VPS13C: variants seen among roughly 807,000 people sequenced by gnomAD.
VPS13C encodes the protein vacuolar protein sorting 13 homolog C.
VPS13C carries 358 observed loss-of-function variants against 456.8 expected under a neutral mutation model. The observed-to-expected ratio is 0.78, with a 90% CI of 0.72 to 0.86. The LOEUF (loss-of-function observed/expected upper bound fraction) is 0.86, where lower values mean the gene tolerates loss of function less well. VPS13C is among the 40% of genes least tolerant of loss of function. The probability of loss-of-function intolerance (pLI) is 0.00; values close to 1 mark genes in which losing one functional copy is unlikely to be tolerated. For missense variants in VPS13C, 4,818 were observed against 4,385.4 expected, an observed-to-expected ratio of 1.10 and a Z score of -2.79; for synonymous variants, 1,578 against 1,486.7, an observed-to-expected ratio of 1.06 and a Z score of -1.41.
At chr15:61,917,994 T>C in intron 59 of VPS13C, 142 bp downstream of exon 59, 1 of 783,068 alleles carries the variant, frequency 1.3e-6, no homozygotes, top group Non-Finnish European at 1.9e-6. Context: ...ATAATATAAA[T>C]GTATTTCTCA....
chr15:61,993,213 G>C lies in VPS13C; in HGVS notation c.1354-1411C>G, dbSNP rs560307703. 3.9e-5 allele frequency among the ~76,000 whole-genome samples: 6 copies of C among 152,172 alleles called. No homozygotes were observed. The South Asian group carries it at 1.2e-3, about 32-fold the overall frequency. ...ATCTAAAAGCAGAAAAAGCTAAAAA[G>C]CATTTGGATATTTTATTAACATCTC... On this transcript the variant is annotated intron_variant, in intron 16 of 84. Transcript: ENST00000644861.
Position 62,041,306 on chromosome 15 carries a change from G to T in VPS13C, c.187+18C>A. Reference sequence around the variant, plus strand: ...CAATAGGACCAAGAATAATTCAAATGAAGACTAAAGTACTTACCAATTTGG... The same window carrying T: ...CAATAGGACCAAGAATAATTCAAATTAAGACTAAAGTACTTACCAATTTGG... On this transcript the variant is annotated intron_variant, in intron 3 of 84. Transcript: ENST00000644861. The T allele has an allele frequency of 6.3e-7, 1 of 1,592,786 alleles. No individual in the cohort carries two copies. The highest frequency in any genetic ancestry group is 8.5e-7 in the Non-Finnish European group (1 of 1,173,620).
chr15:61,910,443 T>A (rs1480700669), intron 63 of VPS13C, 138 bp from the exon 64 acceptor site: 1 of 537,696 alleles, frequency 1.9e-6, no homozygotes, highest in Admixed American at 4.8e-5. Flanking sequence ...GTCCTCTACA[T>A]CTCATAGTAA....
intron 41 of VPS13C, 100 bp from the exon 42 acceptor site, chr15:61,949,705 G>A: frequency 8.6e-7 from 1 of 1,160,678 alleles, no homozygotes; most frequent in Non-Finnish European, 1.2e-6. Flanking sequence ...TTCAATTAAG[G>A]GCCTTTTTAA....
At chr15:61,988,344 T>C (rs1310279906) in intron 18 of VPS13C, among the ~76,000 whole-genome samples, 1 of 152,220 alleles carries the variant, frequency 6.6e-6, no homozygotes, top group South Asian at 2.1e-4. Context: ...CTTTATTGTA[T>C]GTAAATTCTG....
intron 22 of VPS13C, among the ~76,000 whole-genome samples, chr15:61,980,205 A>G (rs898377887): frequency 2.0e-5 from 3 of 147,066 alleles, no homozygotes; most frequent in Admixed American, 2.0e-4. Context: ...AAAAAAAAAA[A>G]AAAAAAAAGA....
chr15:61,929,547 CTGTGTT>C lies in VPS13C; in HGVS notation c.6234_6239del (p.Thr2079_Gln2080del), dbSNP rs748464295. ...CTGTGGCAGTCTGTCTTGGTAAAAT[CTGTGTT>C]TCTTTTGCCACATTTTCTGGACTCT... On this transcript the variant is annotated inframe_deletion, in exon 51 of 85. Coordinates refer to ENST00000644861, the MANE Select transcript of VPS13C (RefSeq NM_020821.3). 5 of 1,614,046 alleles carry C rather than the reference CTGTGTT, an allele frequency of 3.1e-6. No homozygotes were observed. The highest frequency in any genetic ancestry group is 4.2e-6 in the Non-Finnish European group (5 of 1,179,974).
intron 42 of VPS13C, among the ~76,000 whole-genome samples, 156 bp downstream of exon 42, chr15:61,949,287 A>G (rs1354954509): frequency 6.6e-6 from 1 of 152,216 alleles, no homozygotes; most frequent in Non-Finnish European, 1.5e-5. Flanking sequence ...AAACTGCTCT[A>G]TAATCCCATA....
chr15:62,031,146 T>C (rs2047804899), intron 5 of VPS13C, among the ~76,000 whole-genome samples: 1 of 152,152 alleles, frequency 6.6e-6, no homozygotes, highest in Non-Finnish European at 1.5e-5. Flanking sequence ...ATTTCAATTT[T>C]ATTTTATTCC....
rs758020068 is a variant in VPS13C at position 61,871,990 on chromosome 15, T to C, written c.10623A>G (p.Glu3541=). Residue 3541 remains glutamate, a splice_region_variant and synonymous_variant, in exon 79 of 85, where the codon GAA becomes GAG. Coordinates refer to ENST00000644861, the MANE Select transcript of VPS13C (RefSeq NM_020821.3). The stretch of plus-strand genomic sequence containing the variant: ...AGGAAGGAAATATTTTCAACATACC[T>C]TCCACAGGTTTTGTTATTATTCCAG... ...GVTGIITKPV[E]GAKKEGAAGF... is the part of the protein sequence containing the mutation. 4.1e-5 allele frequency: 66 copies of C among 1,612,000 alleles called. No homozygotes were observed. Among genetic ancestry groups the C allele is most frequent in the Middle Eastern group, 1.6e-4 (1 of 6,064 alleles).
In VPS13C at chr15:61,867,464, C is replaced by T. The variant is rs770682893; in HGVS notation, c.10863+1195G>A. ...AAGCAGATGCTCCAGGTAATAGTCCCGTAACTTAAGCAAATTTAGAGCCAT... is the reference window on the plus strand; with the variant it reads ...AAGCAGATGCTCCAGGTAATAGTCCTGTAACTTAAGCAAATTTAGAGCCAT... On this transcript the variant is annotated intron_variant, in intron 81 of 84. Transcript: ENST00000644861. This position sits in a 1 kb window ranked among gnomAD's most constrained non-coding sequence, Gnocchi z 5.0. 23 of 988,072 alleles carry T rather than the reference C, an allele frequency of 2.3e-5. No homozygotes were observed. The highest frequency in any genetic ancestry group is 1.0e-3 in the Middle Eastern group (2 of 1,918). 61.2% of individuals were successfully genotyped at this position (988,072 alleles called of 1,614,324 possible).
intron 53 of VPS13C, among the ~76,000 whole-genome samples, chr15:61,923,966 C>T (rs2043752614): frequency 7.1e-6 from 1 of 140,466 alleles, no homozygotes; most frequent in Non-Finnish European, 1.5e-5. Flanking sequence ...CCCGGGTTCA[C>T]GCCATTCTCC....
intron 3 of VPS13C, among the ~76,000 whole-genome samples, chr15:62,037,262 T>A (rs1175344085): frequency 0.022 from 578 of 25,950 alleles, 15 homozygotes; most frequent in African/African-American, 0.085. Flanking sequence ...TTTATATATA[T>A]TATATTATAT....
chr15:61,997,595 C>T (rs946199674), intron 16 of VPS13C, among the ~76,000 whole-genome samples: 2 of 152,104 alleles, frequency 1.3e-5, no homozygotes, highest in African/African-American at 4.8e-5. Context: ...TCCCATCTTC[C>T]CCCTCTTATT....
At chr15:61,919,650 T>C (rs2043585414) in intron 57 of VPS13C, among the ~76,000 whole-genome samples, 1 of 151,856 alleles carries the variant, frequency 6.6e-6, no homozygotes, top group South Asian at 2.1e-4. Context: ...CAGTTTTGCT[T>C]GGGGTTTTGA....
At chr15:61,983,745 G>A in intron 20 of VPS13C, 75 bp downstream of exon 20, 4 of 1,432,076 alleles carry the variant, frequency 2.8e-6, no homozygotes, top group Non-Finnish European at 3.8e-6. Context: ...AAATATGAAA[G>A]AGGAGAAATA....
chr15:61,915,084 A>T (rs1248180863), intron 61 of VPS13C, among the ~76,000 whole-genome samples: 1 of 152,084 alleles, frequency 6.6e-6, no homozygotes, highest in East Asian at 1.9e-4. Context: ...GAAGACAGAA[A>T]AAAAACAGGG....
Position 61,942,050 on chromosome 15 carries a change from G to T in VPS13C, c.5166C>A (p.Phe1722Leu). Residue 1722 changes from phenylalanine to leucine, a missense_variant, in exon 46 of 85, where the codon TTC becomes TTA. Around this residue, in one of 3 missense-constraint regions of VPS13C, gnomAD observed 4,552 missense variants for 4,130.6 expected, o/e 1.10. Transcript: ENST00000644861. The part of the protein sequence containing the change: ...FMSLLNFLNN[F>L]QTAKEALSTA... ...TACTCAAAGCTTCTTTAGCAGTTTG[G>T]AAATTGTTGAGGAAGTTCTGTTGGA... 2 of 1,581,858 alleles carry T rather than the reference G, an allele frequency of 1.3e-6. No homozygotes were observed. The highest frequency in any genetic ancestry group is 1.7e-6 in the Non-Finnish European group (2 of 1,160,274).
At position 61,969,345 on chromosome 15, in the gene VPS13C, C is replaced by T; in HGVS notation, c.2865G>A (p.Val955=). 1 of 1,601,160 alleles carries T rather than the reference C, an allele frequency of 6.2e-7. No homozygotes were observed. ...EATMRTFDLT[V]VSYLKKISLD... is the part of the protein sequence containing the mutation. ...AGCTGATTTTCTTTAAATAAGATAC[C>T]ACAGTTAAGTCAAATGTTCTCATTG... is the stretch of plus-strand genomic sequence containing the variant. Residue 955 remains valine, a synonymous_variant, in exon 28 of 85, where the codon GTG becomes GTA. Transcript: ENST00000644861.
Sources: allele counts gnomAD v4.1 joint callset (sites outside exome capture counted in the v4.1 genomes callset), GRCh38; gene constraint gnomAD v4.1.1; regional missense constraint gnomAD v4.1.1; non-coding constraint Gnocchi (gnomAD v3.1); transcripts MANE v1.5; gene names NCBI Gene and HGNC (gene_info 2026-07-23, HGNC 2026-07-21).